Variants in NDUFAF2 observed in about 807,000 individuals in gnomAD.
NDUFAF2 encodes the protein NADH dehydrogenase [ubiquinone] 1 alpha subcomplex assembly factor 2.
In NDUFAF2, 13 loss-of-function variants were observed where a neutral mutation model predicts 22.8. The ratio of observed to expected loss-of-function variants is 0.57; its 90% CI spans 0.37 to 0.91. The LOEUF (loss-of-function observed/expected upper bound fraction) is 0.91, where lower values mean the gene tolerates loss of function less well. NDUFAF2 is among the 40% of genes least tolerant of loss of function. The probability of loss-of-function intolerance (pLI) is 0.01; values close to 1 mark genes in which losing one functional copy is unlikely to be tolerated. For synonymous variants in NDUFAF2, 53 were observed against 64.2 expected (o/e 0.83, Z 0.84); for missense variants, 162 against 195.2 (o/e 0.83, Z 1.01).
intron 1 of NDUFAF2, among the ~76,000 whole-genome samples, chr5:61,054,211 AAAAAT>A (rs138568053): frequency 0.024 from 3,660 of 152,298 alleles, 59 homozygotes; most frequent in Non-Finnish European, 0.037. Context: ...TAGAAAAAAC[AAAAAT>A]AAAATAAAAA....
intron 2 of NDUFAF2, among the ~76,000 whole-genome samples, chr5:61,094,763 T>G (rs1561563190): frequency 6.6e-6 from 1 of 152,230 alleles, no homozygotes; most frequent in Admixed American, 6.5e-5. Context: ...CCTAGTCACC[T>G]TGAATTTTCC....
At chr5:61,095,015 G>A (rs765389024) in intron 2 of NDUFAF2, among the ~76,000 whole-genome samples, 21 of 151,454 alleles carry the variant, frequency 1.4e-4, no homozygotes, top group East Asian at 7.8e-4. Flanking sequence ...CTGGGATACC[G>A]CTTCCACCCC....
At chr5:61,006,360 T>A (rs1751366506) in intron 1 of NDUFAF2, among the ~76,000 whole-genome samples, 1 of 152,222 alleles carries the variant, frequency 6.6e-6, no homozygotes, top group Admixed American at 6.5e-5. Context: ...TAGTATAGTT[T>A]GAAGTCAGGT....
At chr5:61,025,534 T>G (rs533607255) in intron 1 of NDUFAF2, among the ~76,000 whole-genome samples, 6 of 152,222 alleles carry the variant, frequency 3.9e-5, no homozygotes, top group African/African-American at 1.4e-4. Flanking sequence ...TAAAAGCAGT[T>G]CTATTTAGCT....
intron 1 of NDUFAF2, among the ~76,000 whole-genome samples, chr5:61,028,638 C>G (rs1338214872): frequency 6.6e-6 from 1 of 151,978 alleles, no homozygotes; most frequent in Non-Finnish European, 1.5e-5. Context: ...TTTTTTTCTA[C>G]TAAAAATGAT....
At chr5:61,026,954 A>G (rs1322153277) in intron 1 of NDUFAF2, among the ~76,000 whole-genome samples, 1 of 151,834 alleles carries the variant, frequency 6.6e-6, no homozygotes, top group Non-Finnish European at 1.5e-5. Context: ...CTCTGTGGGC[A>G]GTGTGTACTT....
intron 1 of NDUFAF2, among the ~76,000 whole-genome samples, chr5:61,031,845 G>A (rs1751731794): frequency 6.6e-6 from 1 of 152,170 alleles, no homozygotes; most frequent in Non-Finnish European, 1.5e-5. Context: ...CTCACCAACA[G>A]TGTAAAAGCA....
intron 3 of NDUFAF2, chr5:61,145,859 T>C (rs1248239004): frequency 1.3e-5 from 2 of 152,174 alleles, no homozygotes; most frequent in African/African-American, 4.8e-5. Flanking sequence ...AATGATATTC[T>C]TCAATATTTC....
rs1741263620 is a variant in NDUFAF2, at chr5:61,152,765, A to G, written c.320A>G (p.Glu107Gly). The change falls in exon 4 of 4, where the codon GAA becomes GGA. Residue 107 changes from glutamate (E) to glycine (G), a missense_variant. By Grantham distance (98) the Glu-to-Gly change is moderately conservative. This residue lies in a region of NDUFAF2 where 68 missense variants were observed against 110.0 expected (regional missense o/e 0.62). Transcript: ENST00000296597. The stretch of plus-strand genomic sequence containing the variant: ...AAAATAAAAAGCCAAGATTTTTATG[A>G]AAAAGAAAAACTCCTTAGTAAAGAG... ...EIKIKSQDFY[E>G]KEKLLSKETS... 2 of 1,586,118 alleles carry G rather than the reference A, an allele frequency of 1.3e-6. No homozygotes were observed. Among genetic ancestry groups the G allele is most frequent in the Non-Finnish European group, 1.7e-6 (2 of 1,167,402 alleles).
rs187700966 is a variant in NDUFAF2 at position 61,124,738 on chromosome 5, A to G, written c.258+25706A>G. ...ACATTTCCATTCATCACTGTGTTCA[A>G]TTGGATAGTATTCCTTTAGCCTCAC... On this transcript the variant is annotated intron_variant, in intron 3 of 3. Transcript: ENST00000296597. 3.6e-3 allele frequency among the ~76,000 whole-genome samples: 545 copies of G among 152,256 alleles called. 2 individuals are homozygous for G. The highest frequency in any genetic ancestry group is 5.9e-3 in the Non-Finnish European group (403 of 67,996).
intron 3 of NDUFAF2, chr5:61,115,633 G>A (rs977128937): frequency 2.6e-5 from 4 of 152,018 alleles, no homozygotes; most frequent in African/African-American, 9.7e-5. Context: ...ATCCTAAATT[G>A]GGAGACTCTC....
chr5:60,991,829 G>C (rs947088747), intron 1 of NDUFAF2, among the ~76,000 whole-genome samples: 1 of 152,136 alleles, frequency 6.6e-6, no homozygotes, highest in Non-Finnish European at 1.5e-5. Flanking sequence ...GGATTGCCAG[G>C]TCGTATGGTG....
At chr5:61,081,896 G>T (rs1338515516) in intron 2 of NDUFAF2, among the ~76,000 whole-genome samples, 2 of 152,176 alleles carry the variant, frequency 1.3e-5, no homozygotes, top group Non-Finnish European at 2.9e-5. Flanking sequence ...TTCTTCATCA[G>T]CATACATTAT....
rs573287782 is a variant in NDUFAF2, at chr5:61,006,066, T to C, written c.127+60684T>C. Among the ~76,000 whole-genome samples the C allele has an allele frequency of 1.5e-3, 236 of 152,362 alleles. 1 individual carries two copies. The highest frequency in any genetic ancestry group is 5.5e-3 in the African/African-American group (229 of 41,582). ...CCTAGGTTTTCTTGTAGGGTTTTTA[T>C]GGTTTTAGGTCTAACATTTAAGTCT... On this transcript the variant is annotated intron_variant, in intron 1 of 3. Coordinates refer to ENST00000296597, the MANE Select transcript of NDUFAF2 (RefSeq NM_174889.5).
At chr5:60,981,174 A>T (rs906298883) in intron 1 of NDUFAF2, among the ~76,000 whole-genome samples, 1 of 152,186 alleles carries the variant, frequency 6.6e-6, no homozygotes, top group African/African-American at 2.4e-5. Flanking sequence ...TAAAGAAAGG[A>T]TCCTAAAAGC....
At chr5:61,026,407 A>G (rs1751650752) in intron 1 of NDUFAF2, among the ~76,000 whole-genome samples, 1 of 152,124 alleles carries the variant, frequency 6.6e-6, no homozygotes, top group Non-Finnish European at 1.5e-5. Context: ...TTAACTAAAT[A>G]TGTCCACATT....
intron 2 of NDUFAF2, among the ~76,000 whole-genome samples, chr5:61,081,299 G>A (rs1331130361): frequency 1.3e-5 from 2 of 152,046 alleles, no homozygotes; most frequent in African/African-American, 4.8e-5. Context: ...GTTAGTCAGG[G>A]CCCATATAAT....
intron 3 of NDUFAF2, chr5:61,116,564 C>T (rs1165129175): frequency 6.6e-6 from 1 of 152,082 alleles, no homozygotes; most frequent in Non-Finnish European, 1.5e-5. Context: ...ACTAGTAATA[C>T]TAGAAGCTAG....
At chr5:61,118,880 G>A (rs999696285) in intron 3 of NDUFAF2, among the ~76,000 whole-genome samples, 1 of 152,078 alleles carries the variant, frequency 6.6e-6, no homozygotes, top group Non-Finnish European at 1.5e-5. Flanking sequence ...TTATCTCTGG[G>A]GAAGGAAAAT....
Sources: gnomAD v4.1 joint callset for allele counts (sites outside exome capture counted in the v4.1 genomes callset) on GRCh38, gnomAD v4.1.1 for gene constraint, gnomAD v4.1.1 regional missense constraint, MANE v1.5 for transcripts, NCBI Gene and HGNC (gene_info 2026-07-23, HGNC 2026-07-21) for gene names.